Variants in DCAF8L2 observed in about 807,000 individuals in gnomAD.
DCAF8L2 encodes the protein DDB1- and CUL4-associated factor 8-like protein 2.
For missense variants in DCAF8L2, 430 were observed against 490.7 expected, an observed-to-expected ratio of 0.88 and a Z score of 1.17; for synonymous variants, 200 against 190.9, an observed-to-expected ratio of 1.05 and a Z score of -0.39.
At chrX:27,530,652 A>G in the DCAF8L2 span, among the ~76,000 whole-genome samples, 1 of 111,588 alleles carries the variant, frequency 9.0e-6, no homozygotes, top group African/African-American at 3.3e-5. Context: ...ATGGAGACAA[A>G]TTGATGTTTT....
chrX:27,489,514 T>A, the DCAF8L2 span, among the ~76,000 whole-genome samples: 1 of 112,909 alleles, frequency 8.9e-6, no homozygotes, highest in South Asian at 3.6e-4. Context: ...CACAGAATTA[T>A]ATTCCACTGT....
At chrX:27,533,997 T>C in the DCAF8L2 span, among the ~76,000 whole-genome samples, 3 of 110,862 alleles carry the variant, frequency 2.7e-5, no homozygotes, top group African/African-American at 9.9e-5. Flanking sequence ...TCACTTGAGC[T>C]CAGAAGTTCA....
the DCAF8L2 span, among the ~76,000 whole-genome samples, chrX:27,488,877 G>A: frequency 9.1e-6 from 1 of 109,543 alleles, no homozygotes; most frequent in Admixed American, 9.8e-5. Context: ...ATGTTGCCCA[G>A]GCTGGTCTTC....
chrX:27,485,945 T>TTTTTTTTA, the DCAF8L2 span, among the ~76,000 whole-genome samples: 1 of 93,927 alleles, frequency 1.1e-5, no homozygotes, highest in Non-Finnish European at 2.0e-5. Flanking sequence ...TTTTTTTTTT[T>TTTTTTTTA]GTGGTAGAAA....
the DCAF8L2 span, among the ~76,000 whole-genome samples, chrX:27,545,076 A>T: frequency 8.9e-6 from 1 of 111,754 alleles, no homozygotes; most frequent in African/African-American, 3.3e-5. Flanking sequence ...GATAGCTGGG[A>T]TGAAGAAGCT....
chrX:27,596,883 G>T (rs1388527514), intron 1 of DCAF8L2, among the ~76,000 whole-genome samples: 1 of 111,080 alleles, frequency 9.0e-6, no homozygotes, highest in Non-Finnish European at 1.9e-5. Context: ...AATATTTTAA[G>T]ATTTTCTTAT....
chrX:27,536,196 G>A, the DCAF8L2 span, among the ~76,000 whole-genome samples: 1 of 111,663 alleles, frequency 9.0e-6, no homozygotes, highest in South Asian at 3.7e-4. Flanking sequence ...ACTGAGGAAC[G>A]AAACCCAACT....
chrX:27,704,051 CAT>C (rs1931227638), intron 3 of DCAF8L2, among the ~76,000 whole-genome samples: 1 of 73,310 alleles, frequency 1.4e-5, no homozygotes, highest in African/African-American at 6.9e-5. Context: ...AAAGATAACA[CAT>C]TGTGTGTGTA....
the DCAF8L2 span, among the ~76,000 whole-genome samples, chrX:27,489,592 T>A: frequency 8.9e-6 from 1 of 112,798 alleles, no homozygotes; most frequent in Admixed American, 9.4e-5. Context: ...TTCATTTATT[T>A]GATGCTATGA....
the DCAF8L2 span, among the ~76,000 whole-genome samples, chrX:27,492,970 G>C: frequency 1.8e-5 from 2 of 111,703 alleles, no homozygotes; most frequent in Non-Finnish European, 3.8e-5. Context: ...AGTGTCTCAC[G>C]CCTGTAATCT....
the DCAF8L2 span, among the ~76,000 whole-genome samples, chrX:27,490,839 C>T: frequency 7.2e-5 from 8 of 111,325 alleles, no homozygotes; most frequent in Non-Finnish European, 1.5e-4. Flanking sequence ...CCTCAAGCAA[C>T]TTCCACCCTC....
chrX:27,568,827 C>G, the DCAF8L2 span, among the ~76,000 whole-genome samples: 3,113 of 107,335 alleles, frequency 0.029, 109 homozygotes, highest in African/African-American at 0.099. Context: ...CCCGCTCCCC[C>G]CACCCCACAA....
At position 27,615,497 on chromosome X, in the gene DCAF8L2, G is replaced by A. The variant is rs776380559; in HGVS notation, c.-341-16382G>A. ...GAATTTTTTTGCATTATGATTAAAC[G>A]CACAAAAAATAATAGTAGATTCTAT... On this transcript the variant is annotated intron_variant, in intron 1 of 4. Transcript: ENST00000451261. 4.8e-5 allele frequency among the ~76,000 whole-genome samples: 5 copies of A among 103,669 alleles called. No individual in the cohort carries two copies. The South Asian group carries it at 1.2e-3, about 25-fold the overall frequency. The allele number at this position is 103,669 out of a possible 115,157, so 90.0% of individuals were successfully genotyped here.
At chrX:27,714,727 T>C (rs1931638571) in intron 3 of DCAF8L2, among the ~76,000 whole-genome samples, 1 of 111,376 alleles carries the variant, frequency 9.0e-6, no homozygotes, top group South Asian at 3.8e-4. Context: ...ATTGAATATA[T>C]TGACAGGTCT....
At chrX:27,506,666 G>A in the DCAF8L2 span, among the ~76,000 whole-genome samples, 2 of 110,662 alleles carry the variant, frequency 1.8e-5, no homozygotes, top group Admixed American at 9.7e-5. Flanking sequence ...TTCTGTGTGC[G>A]TGTGTGTCCA....
At chrX:27,692,827 T>C (rs753600498) in intron 3 of DCAF8L2, among the ~76,000 whole-genome samples, 5 of 110,918 alleles carry the variant, frequency 4.5e-5, no homozygotes, top group Admixed American at 3.9e-4. Flanking sequence ...TCTACTACCA[T>C]TTAGTGGGTA....
intron 3 of DCAF8L2, among the ~76,000 whole-genome samples, chrX:27,713,456 A>G (rs1462163903): frequency 8.9e-6 from 1 of 111,766 alleles, no homozygotes; most frequent in Non-Finnish European, 1.9e-5. Flanking sequence ...ATTCAAGAAA[A>G]AAATAGGTAA....
intron 2 of DCAF8L2, among the ~76,000 whole-genome samples, chrX:27,650,929 G>T (rs778052183): frequency 1.8e-5 from 2 of 111,145 alleles, no homozygotes; most frequent in East Asian, 5.7e-4. Flanking sequence ...TTGGCTGTGG[G>T]TTTGACATAA....
the DCAF8L2 span, among the ~76,000 whole-genome samples, chrX:27,475,281 G>A: frequency 0.14 from 16,007 of 111,282 alleles, 951 homozygotes; most frequent in East Asian, 0.36. Context: ...GATCACCAAA[G>A]TTAAGTTTCC....
Sources: allele counts gnomAD v4.1 joint callset (sites outside exome capture counted in the v4.1 genomes callset), GRCh38; gene constraint gnomAD v4.1.1; transcripts MANE v1.5; gene names NCBI Gene and HGNC (gene_info 2026-07-23, HGNC 2026-07-21).